Variants in MTUS1 observed in about 807,000 individuals in gnomAD.
MTUS1 encodes microtubule-associated tumor suppressor 1.
MTUS1 carries 109 observed loss-of-function variants against 120.8 expected under a neutral mutation model. The ratio of observed to expected loss-of-function variants is 0.90; its 90% confidence interval spans 0.77 to 1.06. The LOEUF (loss-of-function observed/expected upper bound fraction) is 1.06. Ranked by LOEUF, MTUS1 falls within the 50% of genes least tolerant of loss-of-function variation. MTUS1 has a pLI of 0.00. For missense variants in MTUS1, 2,210 were observed against 1,486.3 expected (o/e 1.49, Z -8.01); for synonymous variants, 737 against 550.5 (o/e 1.34, Z -4.74).
At chr8:17,674,248 C>T (rs1164791011) in intron 8 of MTUS1, among the ~76,000 whole-genome samples, 2 of 151,992 alleles carry the variant, frequency 1.3e-5, no homozygotes, top group Non-Finnish European at 2.9e-5. Flanking sequence ...GGCGAAACCC[C>T]ATCTCTACTA....
chr8:17,740,113 C>G (rs2047200589), intron 3 of MTUS1, among the ~76,000 whole-genome samples: 1 of 151,888 alleles, frequency 6.6e-6, no homozygotes, highest in Non-Finnish European at 1.5e-5. Context: ...GAGGCTGAGG[C>G]AGCAGAATCG....
At chr8:17,767,893 G>T (rs1422410380) in intron 1 of MTUS1, among the ~76,000 whole-genome samples, 1 of 152,126 alleles carries the variant, frequency 6.6e-6, no homozygotes, top group Non-Finnish European at 1.5e-5. Context: ...GCTAAAGGTG[G>T]AAGATGTCCT....
chr8:17,742,303 T>G (rs911375343), intron 3 of MTUS1, among the ~76,000 whole-genome samples: 5 of 145,178 alleles, frequency 3.4e-5, no homozygotes, highest in African/African-American at 1.0e-4. Context: ...TTTTTTTTTT[T>G]TTTTTTTTAG....
chr8:17,796,582 CT>C (rs1182665726), intron 1 of MTUS1, among the ~76,000 whole-genome samples: 1 of 152,116 alleles, frequency 6.6e-6, no homozygotes, highest in Non-Finnish European at 1.5e-5. Flanking sequence ...GAAGTTTTAT[CT>C]TATGTATCCA....
rs868423291 is a variant in MTUS1, at chr8:17,755,705, GTGGTGATTTCGGGT to G, written c.89_102del (p.Asn30ThrfsTer19). ...CTGCTGGCTGAAGAGTTTTGTGTAG[GTGGTGATTTCGGGT>G]TGTATGCATGTGTATTTCCATCTTT... On this transcript the variant is annotated frameshift_variant, in exon 2 of 15. Coordinates refer to ENST00000693296, the MANE Select transcript of MTUS1 (RefSeq NM_001363059.2). LOFTEE classifies it high-confidence loss of function. 1.2e-6 allele frequency: 2 copies of G among 1,614,082 alleles called. No individual in the cohort carries two copies. The highest frequency in any genetic ancestry group is 2.7e-5 in the African/African-American group (2 of 74,934).
chr8:17,713,640 C>T (rs955160465), intron 5 of MTUS1, among the ~76,000 whole-genome samples: 6 of 152,110 alleles, frequency 3.9e-5, no homozygotes, highest in East Asian at 1.9e-4. Context: ...CAGTCACTCC[C>T]GTGTGCTTTC....
intron 3 of MTUS1, among the ~76,000 whole-genome samples, chr8:17,724,470 T>A (rs1585973803): frequency 6.6e-6 from 1 of 152,156 alleles, no homozygotes; most frequent in African/African-American, 2.4e-5. Flanking sequence ...TAACACCAGG[T>A]GGTGCTATAC....
intron 3 of MTUS1, among the ~76,000 whole-genome samples, chr8:17,730,062 C>G (rs1343258100): frequency 1.3e-5 from 2 of 151,196 alleles, no homozygotes; most frequent in African/African-American, 4.9e-5. Context: ...AACCCTTGTG[C>G]AAGGCTAGCG....
rs374215787 is a variant in MTUS1, at chr8:17,705,039, G to A, written c.2623+8175C>T. On this transcript the variant is annotated intron_variant, in intron 6 of 14. Transcript: ENST00000693296. ...TGCTCTGTCACCCAGGCTGGAGTGC[G>A]GTGGTGCAATCTCAGCTCACTGCAA... 1.2e-3 allele frequency among the ~76,000 whole-genome samples: 175 copies of A among 152,028 alleles called. 2 individuals carry two copies. Among genetic ancestry groups the A allele is most frequent in the Middle Eastern group, 3.4e-3 (1 of 292 alleles).
chr8:17,781,600 T>G (rs1413641905), intron 1 of MTUS1, among the ~76,000 whole-genome samples: 1 of 152,152 alleles, frequency 6.6e-6, no homozygotes, highest in African/African-American at 2.4e-5. Context: ...CAATATTTAC[T>G]TTCATTTCTA....
At chr8:17,705,470 A>T (rs1406075706) in intron 6 of MTUS1, among the ~76,000 whole-genome samples, 1 of 152,258 alleles carries the variant, frequency 6.6e-6, no homozygotes, top group African/African-American at 2.4e-5. Context: ...CCTGCTAAAA[A>T]GGTAGTCACT....
chr8:17,780,440 TA>T (rs2050787069), intron 1 of MTUS1, among the ~76,000 whole-genome samples: 1 of 152,194 alleles, frequency 6.6e-6, no homozygotes, highest in Admixed American at 6.5e-5. Flanking sequence ...GCTTCAAGTC[TA>T]AAAGGGAACT....
chr8:17,754,780 T>A lies in MTUS1; in HGVS notation c.1028A>T (p.Tyr343Phe). 6.2e-7 allele frequency: 1 copy of A among 1,614,250 alleles called. No homozygotes were observed. Among genetic ancestry groups the A allele is most frequent in the East Asian group, 2.2e-5 (1 of 44,876 alleles). The stretch of plus-strand genomic sequence containing the variant: ...AGGGCATTCATCATCAATAAGACAA[T>A]AGGACACTGTCTCTCTCAGATTTTG... ...MGQNLRETVS[Y>F]CLIDDECPLM... The change falls in exon 2 of 15, where the codon TAT becomes TTT. Residue 343 changes from tyrosine (Y) to phenylalanine (F), a missense_variant. Coordinates refer to ENST00000693296, the MANE Select transcript of MTUS1 (RefSeq NM_001363059.2).
intron 1 of MTUS1, among the ~76,000 whole-genome samples, chr8:17,775,501 A>C (rs2050351778): frequency 6.6e-6 from 1 of 152,196 alleles, no homozygotes; most frequent in South Asian, 2.1e-4. Context: ...GCCAGGTGGA[A>C]GCTTTTCTAA....
intron 1 of MTUS1, among the ~76,000 whole-genome samples, chr8:17,795,700 T>C (rs1007891474): frequency 1.3e-5 from 2 of 152,048 alleles, no homozygotes; most frequent in African/African-American, 2.4e-5. Context: ...AGGGCAGTGA[T>C]GCGATCTCGG....
At position 17,755,794 on chromosome 8, in the gene MTUS1, T is replaced by C. The variant is rs761997871; in HGVS notation, c.14A>G (p.Asn5Ser). MTDD[N>S]SDDKIEDELQ... ...TTCATCTTCTATTTTATCATCTGAATTATCATCAGTCATCCTGAATAGTAA... is the reference window on the plus strand; with the variant it reads ...TTCATCTTCTATTTTATCATCTGAACTATCATCAGTCATCCTGAATAGTAA... The change falls in exon 2 of 15, where the codon AAT (asparagine) becomes AGT (serine). Residue 5 changes from asparagine to serine, a missense_variant. Physicochemically the swap from Asn to Ser is conservative, Grantham distance 46 (BLOSUM62 1). Coordinates refer to ENST00000693296, the MANE Select transcript of MTUS1 (RefSeq NM_001363059.2). 5.6e-6 allele frequency: 9 copies of C among 1,612,912 alleles called. No homozygotes were observed. The East Asian group carries it at 2.0e-4, about 36-fold the overall frequency.
At chr8:17,745,635 A>G (rs140902932) in intron 2 of MTUS1, among the ~76,000 whole-genome samples, 1 of 152,336 alleles carries the variant, frequency 6.6e-6, no homozygotes, top group Admixed American at 6.5e-5. Context: ...TGTACTCAAG[A>G]TCACCAGTGT....
intron 7 of MTUS1, among the ~76,000 whole-genome samples, chr8:17,677,140 A>C (rs1337269023): frequency 6.6e-6 from 1 of 152,228 alleles, no homozygotes; most frequent in Non-Finnish European, 1.5e-5. Context: ...GAGTTTCTTA[A>C]AATAATAAGT....
Position 17,754,265 on chromosome 8 carries a change from T to A in MTUS1, c.1543A>T (p.Met515Leu), listed in dbSNP as rs1358587585. Residue 515 changes from methionine to leucine, a missense_variant, in exon 2 of 15, where the codon ATG becomes TTG. Met to Leu is a conservative substitution (Grantham distance 15). Transcript: ENST00000693296. Reference protein sequence around the residue: ...PNFKNVKAKVMSRAVLQPKDA... With the variant: ...PNFKNVKAKVLSRAVLQPKDA... The stretch of plus-strand genomic sequence containing the variant: ...TTGGGCTGCAACACTGCTCTAGACA[T>A]AACTTTTGCTTTGACATTCTTGAAG... 1 of 1,614,210 alleles carries A rather than the reference T, an allele frequency of 6.2e-7. No homozygotes were observed. The highest frequency in any genetic ancestry group is 2.2e-5 in the East Asian group (1 of 44,884).
Sources: allele counts gnomAD v4.1 joint callset (sites outside exome capture counted in the v4.1 genomes callset), GRCh38; gene constraint gnomAD v4.1.1; transcripts MANE v1.5; gene names NCBI Gene and HGNC (gene_info 2026-07-23, HGNC 2026-07-21).